The following CA10 variants were observed in gnomAD, a reference collection of about 807,000 sequenced individuals.
CA10 encodes the protein carbonic anhydrase 10 (inactive).
Under a neutral mutation model 44.2 loss-of-function variants are expected in CA10, and 14 were observed. That is an observed-to-expected ratio of 0.32 (90% CI 0.21 to 0.50). The LOEUF is 0.50. Ranked by LOEUF, CA10 falls within the 20% of genes least tolerant of loss-of-function variation. The pLI, the probability that CA10 is intolerant of heterozygous loss-of-function variation, is 0.99. For missense variants in CA10, 350 were observed against 409.7 expected (o/e 0.85, Z 1.26); for synonymous variants, 159 against 141.6 (o/e 1.12, Z -0.87).
At chr17:51,996,468 T>A (rs572123731) in intron 2 of CA10, among the ~76,000 whole-genome samples, 1 of 152,174 alleles carries the variant, frequency 6.6e-6, no homozygotes, top group African/African-American at 2.4e-5. Flanking sequence ...AATTTCCATT[T>A]GGTCTGACTT....
At position 51,842,788 on chromosome 17, in the gene CA10, A is replaced by G. The variant is rs554154553; in HGVS notation, c.279+88202T>C. ...TCTGAGAAAGTTAACAGTATATGGT[A>G]TGGAACAACACAACCTGACCCCATA... is the stretch of plus-strand genomic sequence containing the variant. On this transcript the variant is annotated intron_variant, in intron 3 of 8. Transcript: ENST00000451037. Among the ~76,000 whole-genome samples the G allele has an allele frequency of 2.2e-3, 342 of 152,216 alleles. 1 individual carries two copies. The highest frequency in any genetic ancestry group is 7.7e-3 in the African/African-American group (321 of 41,532).
At chr17:51,981,909 C>T (rs749755878) in intron 2 of CA10, among the ~76,000 whole-genome samples, 1 of 151,934 alleles carries the variant, frequency 6.6e-6, no homozygotes, top group Non-Finnish European at 1.5e-5. Context: ...AGAAAACCAG[C>T]TGAATTTATT....
chr17:51,822,822 T>TG (rs1907863777), intron 3 of CA10, among the ~76,000 whole-genome samples: 1 of 152,108 alleles, frequency 6.6e-6, no homozygotes, highest in Non-Finnish European at 1.5e-5. Context: ...AGGTATTTGA[T>TG]GGGGGGTCCA....
intron 2 of CA10, among the ~76,000 whole-genome samples, chr17:52,048,045 A>AT (rs1239151039): frequency 1.3e-5 from 2 of 150,408 alleles, no homozygotes; most frequent in East Asian, 2.0e-4. Context: ...CACAAAAATT[A>AT]AAAAAAAAAA....
intron 1 of CA10, among the ~76,000 whole-genome samples, chr17:52,144,619 C>G (rs1989545724): frequency 6.6e-6 from 1 of 152,136 alleles, no homozygotes; most frequent in East Asian, 1.9e-4. Flanking sequence ...AAAATATTCC[C>G]CAAACATTCT....
chr17:51,905,703 A>G (rs1981519717), intron 3 of CA10, among the ~76,000 whole-genome samples: 1 of 151,892 alleles, frequency 6.6e-6, no homozygotes, highest in African/African-American at 2.4e-5. Context: ...TTCATCTGTA[A>G]CCATAAATCT....
intron 3 of CA10, among the ~76,000 whole-genome samples, chr17:51,865,067 C>G (rs1467050528): frequency 6.6e-6 from 1 of 152,118 alleles, no homozygotes; most frequent in Non-Finnish European, 1.5e-5. Flanking sequence ...TGGACTTTCC[C>G]TCTGAGGTCC....
chr17:51,703,005 T>A (rs1200503252), intron 4 of CA10, among the ~76,000 whole-genome samples: 1 of 152,180 alleles, frequency 6.6e-6, no homozygotes, highest in African/African-American at 2.4e-5. Flanking sequence ...GTGTTCTGTA[T>A]GTATCCTGCT....
chr17:51,847,606 T>C (rs1395293444), intron 3 of CA10, among the ~76,000 whole-genome samples: 1 of 152,184 alleles, frequency 6.6e-6, no homozygotes, highest in Non-Finnish European at 1.5e-5. Context: ...ACCTTACAAT[T>C]GCTGTCATCT....
At chr17:52,157,540 C>CCCCA (rs1555571072) in intron 1 of CA10, among the ~76,000 whole-genome samples, 186 bp downstream of exon 1, 1 of 130,382 alleles carries the variant, frequency 7.7e-6, no homozygotes, top group African/African-American at 2.9e-5. Flanking sequence ...CCCCCCCCCG[C>CCCCA]AAAACACACA....
At chr17:51,765,343 C>T (rs1905333465) in intron 3 of CA10, among the ~76,000 whole-genome samples, 1 of 152,158 alleles carries the variant, frequency 6.6e-6, no homozygotes, top group African/African-American at 2.4e-5. Flanking sequence ...AACTTCCTGG[C>T]TAATGAGCCC....
At chr17:51,762,900 A>G (rs1044151820) in intron 3 of CA10, 2 of 152,162 alleles carry the variant, frequency 1.3e-5, no homozygotes, top group African/African-American at 2.4e-5. Context: ...TGTGACACCA[A>G]TTCTCCAGAG....
At chr17:51,959,663 G>A (rs1983809365) in intron 2 of CA10, among the ~76,000 whole-genome samples, 1 of 151,984 alleles carries the variant, frequency 6.6e-6, no homozygotes, top group South Asian at 2.1e-4. Context: ...TGGTTGGTAT[G>A]TGTGTGTGGA....
At chr17:52,068,087 C>T (rs529272490) in intron 2 of CA10, among the ~76,000 whole-genome samples, 12 of 152,214 alleles carry the variant, frequency 7.9e-5, no homozygotes, top group South Asian at 4.2e-4. Flanking sequence ...CAAAGTGGTA[C>T]GGTAGGTTTA....
chr17:52,028,260 A>G (rs1211420364), intron 2 of CA10, among the ~76,000 whole-genome samples: 1 of 152,186 alleles, frequency 6.6e-6, no homozygotes. Context: ...AGACATAGAT[A>G]TGAAATCAGT....
At chr17:51,751,247 T>C (rs773459449) in intron 3 of CA10, among the ~76,000 whole-genome samples, 4 of 152,160 alleles carry the variant, frequency 2.6e-5, no homozygotes, top group Non-Finnish European at 5.9e-5. Flanking sequence ...AGTAGAATCG[T>C]GATTGCCAGG....
At chr17:52,142,941 T>C (rs1331131466) in intron 1 of CA10, among the ~76,000 whole-genome samples, 1 of 152,226 alleles carries the variant, frequency 6.6e-6, no homozygotes, top group Non-Finnish European at 1.5e-5. Context: ...TCAGTGGATT[T>C]AAACATATTT....
intron 1 of CA10, among the ~76,000 whole-genome samples, chr17:52,143,097 T>TTTG: frequency 6.6e-6 from 1 of 152,314 alleles, no homozygotes; most frequent in Admixed American, 6.5e-5. Context: ...GATCACCAGA[T>TTTG]TAATAATAAA....
intron 2 of CA10, among the ~76,000 whole-genome samples, chr17:52,055,756 G>A (rs1987210856): frequency 6.6e-6 from 1 of 152,100 alleles, no homozygotes; most frequent in African/African-American, 2.4e-5. Flanking sequence ...ATAAATGCAA[G>A]AATGGCAGTG....
Sources: allele counts gnomAD v4.1 joint callset (sites outside exome capture counted in the v4.1 genomes callset), GRCh38; gene constraint gnomAD v4.1.1; transcripts MANE v1.5; gene names NCBI Gene and HGNC (gene_info 2026-07-23, HGNC 2026-07-21).